LINGO2: variants seen among roughly 807,000 people sequenced by gnomAD.
LINGO2 encodes the protein leucine-rich repeat and immunoglobulin-like domain-containing nogo receptor-interacting protein 2.
LINGO2 carries 14 observed loss-of-function variants against 30.6 expected under a neutral mutation model. The ratio of observed to expected loss-of-function variants is 0.46; its 90% confidence interval spans 0.30 to 0.72. The LOEUF is 0.72. Among genes scored for constraint, LINGO2 ranks in the 30% least tolerant of loss-of-function variants. The probability of loss-of-function intolerance (pLI) is 0.07; values close to 1 mark genes in which losing one functional copy is unlikely to be tolerated. For missense variants in LINGO2, 729 were observed against 751.7 expected (o/e 0.97, Z 0.35); for synonymous variants, 317 against 288.5 (o/e 1.10, Z -1.00).
At chr9:28,486,683 G>A (rs1470524641) in intron 1 of LINGO2, among the ~76,000 whole-genome samples, 1 of 149,154 alleles carries the variant, frequency 6.7e-6, no homozygotes, top group Non-Finnish European at 1.5e-5. Context: ...CTCGTTCTAT[G>A]AGGCCTCCAA....
the LINGO2 span, among the ~76,000 whole-genome samples, chr9:29,003,354 G>A: frequency 1.3e-5 from 2 of 152,100 alleles, no homozygotes; most frequent in South Asian, 2.1e-4. Context: ...TGGTTCTGTA[G>A]TATGTGTGGG....
chr9:28,676,618 GTGT>G, the LINGO2 span, among the ~76,000 whole-genome samples: 1 of 152,032 alleles, frequency 6.6e-6, no homozygotes. Flanking sequence ...TTTAAAACAT[GTGT>G]TGTTGGTGGT....
intron 4 of LINGO2, among the ~76,000 whole-genome samples, chr9:28,033,922 C>A (rs1823805355): frequency 6.6e-6 from 1 of 152,162 alleles, no homozygotes; most frequent in Non-Finnish European, 1.5e-5. Flanking sequence ...TCCAGTGGGC[C>A]CTTGTGCGTT....
intron 1 of LINGO2, among the ~76,000 whole-genome samples, chr9:28,626,976 C>A (rs1826710409): frequency 6.6e-6 from 1 of 151,882 alleles, no homozygotes; most frequent in Non-Finnish European, 1.5e-5. Context: ...TTAGCTGATG[C>A]ATTTCTCCTG....
the LINGO2 span, among the ~76,000 whole-genome samples, chr9:29,212,846 ACCCCCACCCCAT>A: frequency 2.6e-5 from 4 of 151,936 alleles, no homozygotes; most frequent in East Asian, 7.8e-4. Flanking sequence ...ACTTGACTTA[ACCCCCACCCCAT>A]CCCCAACATC....
At chr9:28,419,217 T>A (rs1000473825) in intron 2 of LINGO2, among the ~76,000 whole-genome samples, 2 of 152,166 alleles carry the variant, frequency 1.3e-5, no homozygotes, top group African/African-American at 4.8e-5. Context: ...TTTTTTCCGA[T>A]CAGCAAATAG....
chr9:29,014,261 C>T, the LINGO2 span, among the ~76,000 whole-genome samples: 3 of 152,036 alleles, frequency 2.0e-5, no homozygotes, highest in Non-Finnish European at 4.4e-5. Flanking sequence ...ATGCATAAGC[C>T]ACACTAAAAT....
intron 1 of LINGO2, among the ~76,000 whole-genome samples, chr9:28,542,171 C>T (rs1564278510): frequency 6.6e-6 from 1 of 152,106 alleles, no homozygotes; most frequent in Non-Finnish European, 1.5e-5. Flanking sequence ...CCAAAGTTGT[C>T]TTGCAATGGA....
intron 4 of LINGO2, among the ~76,000 whole-genome samples, chr9:28,117,235 T>C (rs2133379842): frequency 6.6e-6 from 1 of 151,896 alleles, no homozygotes; most frequent in Admixed American, 6.6e-5. Context: ...GGTTCAGGGG[T>C]CAGGGACCCA....
the LINGO2 span, among the ~76,000 whole-genome samples, chr9:28,953,570 AT>A: frequency 6.6e-6 from 1 of 152,116 alleles, no homozygotes; most frequent in Non-Finnish European, 1.5e-5. Context: ...ACTGTTCTAT[AT>A]TTTTGTAAAT....
At chr9:28,690,768 G>T in the LINGO2 span, among the ~76,000 whole-genome samples, 2 of 152,164 alleles carry the variant, frequency 1.3e-5, no homozygotes, top group East Asian at 1.9e-4. Context: ...TCCTGACAAT[G>T]AATCTTTCAG....
chr9:28,431,413 G>T (rs998948539), intron 2 of LINGO2, among the ~76,000 whole-genome samples: 1 of 152,080 alleles, frequency 6.6e-6, no homozygotes, highest in African/African-American at 2.4e-5. Flanking sequence ...AAGAGAGAGC[G>T]CAATCAAAGA....
chr9:28,112,054 C>T (rs1161413227), intron 4 of LINGO2, among the ~76,000 whole-genome samples: 3 of 107,264 alleles, frequency 2.8e-5, no homozygotes, highest in African/African-American at 1.1e-4. Context: ...TGCTATCCCT[C>T]CCCCCTCCCC....
chr9:28,550,718 T>C (rs948247998), intron 1 of LINGO2, among the ~76,000 whole-genome samples: 2 of 151,786 alleles, frequency 1.3e-5, no homozygotes, highest in African/African-American at 4.8e-5. Flanking sequence ...TTTCATAAAA[T>C]AGAATAGTAA....
intron 1 of LINGO2, among the ~76,000 whole-genome samples, chr9:28,512,230 G>C (rs1231604610): frequency 6.6e-6 from 1 of 152,070 alleles, no homozygotes; most frequent in Non-Finnish European, 1.5e-5. Context: ...AGGCTGCATG[G>C]TGACTTGATG....
At chr9:28,879,072 T>G in the LINGO2 span, among the ~76,000 whole-genome samples, 1 of 152,168 alleles carries the variant, frequency 6.6e-6, no homozygotes, top group Non-Finnish European at 1.5e-5. Context: ...ATGACATGAT[T>G]GTACAACTAG....
the LINGO2 span, among the ~76,000 whole-genome samples, chr9:29,079,114 G>GT: frequency 6.6e-6 from 1 of 150,592 alleles, no homozygotes; most frequent in African/African-American, 2.4e-5. Context: ...TCCTAATTTG[G>GT]GTATAGACAG....
At chr9:29,209,989 C>G in the LINGO2 span, among the ~76,000 whole-genome samples, 508 of 152,242 alleles carry the variant, frequency 3.3e-3, 3 homozygotes, top group African/African-American at 0.012. Flanking sequence ...AGAGTCCTTT[C>G]ACAGAATATC....
the LINGO2 span, among the ~76,000 whole-genome samples, chr9:29,045,430 G>T: frequency 2.0e-5 from 3 of 151,960 alleles, no homozygotes; most frequent in Admixed American, 2.0e-4. Flanking sequence ...ATCATATATT[G>T]ATGAGCAAAA....
Sources: gnomAD v4.1 joint callset for allele counts (sites outside exome capture counted in the v4.1 genomes callset) on GRCh38, gnomAD v4.1.1 for gene constraint, MANE v1.5 for transcripts, NCBI Gene and HGNC (gene_info 2026-07-23, HGNC 2026-07-21) for gene names.